CFAP61: variants seen among roughly 807,000 people sequenced by gnomAD.
CFAP61 encodes the protein cilia and flagella associated protein 61, also known as cilia- and flagella-associated protein 61.
In CFAP61, 107 loss-of-function variants were observed where a neutral mutation model predicts 135.6. The ratio of observed to expected loss-of-function variants is 0.79; its 90% confidence interval spans 0.67 to 0.93. The LOEUF (loss-of-function observed/expected upper bound fraction) is 0.93, where lower values mean the gene tolerates loss of function less well. Ranked by LOEUF, CFAP61 falls within the 40% of genes least tolerant of loss-of-function variation. The pLI is 0.00. For missense variants in CFAP61, 1,507 were observed against 1,556.2 expected, an observed-to-expected ratio of 0.97 and a Z score of 0.53; for synonymous variants, 575 against 578.5, an observed-to-expected ratio of 0.99 and a Z score of 0.09.
At position 20,106,000 on chromosome 20, in the gene CFAP61, C is replaced by CTATACATATATA. The variant is rs1277233037; in HGVS notation, c.859+7190_859+7191insCATATATATATA. ...CTTCGAAAGCTTTAGCTACTCTTGCCTATATATATATATATATATATATAT... is the reference window on the plus strand; with the variant it reads ...CTTCGAAAGCTTTAGCTACTCTTGCCTATACATATATATATATATATATATATATATATATAT... On this transcript the variant is annotated intron_variant, in intron 8 of 26. Transcript: ENST00000245957. Among the ~76,000 whole-genome samples the CTATACATATATA allele has an allele frequency of 8.1e-3, 826 of 102,398 alleles. 122 individuals carry two copies. The highest frequency in any genetic ancestry group is 0.059 in the East Asian group (105 of 1,766). The allele number at this position is 102,398 out of a possible 152,430, so 67.2% of individuals were successfully genotyped here. A position where few individuals can be genotyped will look rare whatever the true frequency, so the allele number is the denominator to read the frequency against.
At chr20:20,137,845 G>A (rs2051056651) in intron 8 of CFAP61, among the ~76,000 whole-genome samples, 1 of 152,150 alleles carries the variant, frequency 6.6e-6, no homozygotes, top group Non-Finnish European at 1.5e-5. Flanking sequence ...CACTACAGCT[G>A]AGAATGTGCC....
chr20:20,188,065 C>T lies in CFAP61; in HGVS notation c.1512+9C>T, dbSNP rs6112813. 4 of 1,614,018 alleles carry T rather than the reference C, an allele frequency of 2.5e-6. No homozygotes were observed. Among genetic ancestry groups the T allele is most frequent in the Non-Finnish European group, 2.5e-6 (3 of 1,179,944 alleles). ...AGGCTCGCAAAGACCCTGTAAGTAC[C>T]TGTTGTGACCAGACCTCAGGATATG... On this transcript the variant is annotated intron_variant, in intron 14 of 26. Coordinates refer to ENST00000245957, the MANE Select transcript of CFAP61 (RefSeq NM_015585.4).
intron 8 of CFAP61, among the ~76,000 whole-genome samples, chr20:20,121,604 C>T (rs570804120): frequency 6.6e-5 from 10 of 152,262 alleles, no homozygotes; most frequent in South Asian, 2.1e-4. Flanking sequence ...AAGTGATTCT[C>T]GTGCCTCGGC....
At chr20:20,321,273 C>G (rs1287007249) in intron 25 of CFAP61, among the ~76,000 whole-genome samples, 1 of 152,076 alleles carries the variant, frequency 6.6e-6, no homozygotes, top group African/African-American at 2.4e-5. Context: ...TGGTGATTCT[C>G]TTCAAAATAA....
At chr20:20,058,306 A>T (rs994891511) in intron 2 of CFAP61, among the ~76,000 whole-genome samples, 1 of 152,228 alleles carries the variant, frequency 6.6e-6, no homozygotes, top group Non-Finnish European at 1.5e-5. Context: ...AAAGATGTCC[A>T]TTGGATGGAA....
intron 21 of CFAP61, among the ~76,000 whole-genome samples, chr20:20,269,130 T>TAC (rs2053064700): frequency 4.8e-5 from 4 of 82,684 alleles, no homozygotes; most frequent in African/African-American, 1.7e-4. Context: ...TATATATATA[T>TAC]ATATATATAT....
rs544125010 is a variant in CFAP61, at chr20:20,241,999, A to C, written c.2061-4118A>C. On this transcript the variant is annotated intron_variant, in intron 18 of 26. Coordinates refer to ENST00000245957, the MANE Select transcript of CFAP61 (RefSeq NM_015585.4). ...ATAAGAATATTCATTCTTAAATGAC[A>C]CTCATCCTTAGAGACTTTAGAGCAA... 2.6e-5 allele frequency among the ~76,000 whole-genome samples: 4 copies of C among 152,298 alleles called. No homozygotes were observed. The East Asian group carries it at 7.7e-4, about 29-fold the overall frequency.
chr20:20,275,079 G>A (rs1005271992), intron 21 of CFAP61, among the ~76,000 whole-genome samples: 4 of 152,210 alleles, frequency 2.6e-5, no homozygotes, highest in African/African-American at 7.2e-5. Context: ...TGGATATGAT[G>A]TGGGCAGAGG....
In CFAP61 at chr20:20,318,782, G is replaced by T. The variant is rs550012903; in HGVS notation, c.3422+20396G>T. On this transcript the variant is annotated intron_variant, in intron 25 of 26. Coordinates refer to ENST00000245957, the MANE Select transcript of CFAP61 (RefSeq NM_015585.4). Reference sequence around the variant, plus strand: ...CATGTCCCAGCCCTGAGGCCAGGGGGCAAGGCTGCTTGGGGGTCAGGAGGG... The same window carrying T: ...CATGTCCCAGCCCTGAGGCCAGGGGTCAAGGCTGCTTGGGGGTCAGGAGGG... Among the ~76,000 whole-genome samples the T allele has an allele frequency of 2.0e-5, 3 of 152,320 alleles. No individual in the cohort carries two copies. In the East Asian group the frequency reaches 5.8e-4, roughly 29 times the overall value.
At chr20:20,266,280 A>C (rs2052736960) in intron 21 of CFAP61, among the ~76,000 whole-genome samples, 1 of 152,204 alleles carries the variant, frequency 6.6e-6, no homozygotes, top group South Asian at 2.1e-4. Context: ...ATCCCTTTTC[A>C]TACTGCAGAA....
At chr20:20,138,756 G>A (rs2051136593) in intron 8 of CFAP61, among the ~76,000 whole-genome samples, 1 of 152,134 alleles carries the variant, frequency 6.6e-6, no homozygotes, top group Non-Finnish European at 1.5e-5. Context: ...GAGGATGATT[G>A]GTGGAAGCTT....
intron 13 of CFAP61, among the ~76,000 whole-genome samples, chr20:20,172,921 A>G (rs1372010084): frequency 6.6e-6 from 1 of 152,192 alleles, no homozygotes; most frequent in Non-Finnish European, 1.5e-5. Flanking sequence ...TCTGCTGAAC[A>G]TCCTCTGTGC....
At chr20:20,251,174 TG>T (rs1205311298) in intron 19 of CFAP61, among the ~76,000 whole-genome samples, 3 of 152,240 alleles carry the variant, frequency 2.0e-5, no homozygotes, top group Middle Eastern at 3.2e-3. Context: ...CCCCTGGCTT[TG>T]GGAATCCTCA....
intron 2 of CFAP61, among the ~76,000 whole-genome samples, chr20:20,067,539 G>T (rs1253083303): frequency 6.6e-6 from 1 of 151,290 alleles, no homozygotes; most frequent in African/African-American, 2.4e-5. Flanking sequence ...CTACTCGGGA[G>T]GCTGAGGCAG....
chr20:20,156,435 T>A (rs953656528), intron 9 of CFAP61, among the ~76,000 whole-genome samples: 2 of 152,180 alleles, frequency 1.3e-5, no homozygotes, highest in African/African-American at 4.8e-5. Flanking sequence ...TCACACATAA[T>A]GGTGAAGGAC....
At chr20:20,165,928 C>T (rs906745626) in intron 11 of CFAP61, among the ~76,000 whole-genome samples, 1 of 152,154 alleles carries the variant, frequency 6.6e-6, no homozygotes, top group Non-Finnish European at 1.5e-5. Context: ...TTTATCTGTA[C>T]ATTTAAATAT....
At chr20:20,200,698 G>A in intron 17 of CFAP61, 1 of 985,022 alleles carries the variant, frequency 1.0e-6, no homozygotes, top group Non-Finnish European at 1.2e-6. Flanking sequence ...AAAAAGGAAA[G>A]TGTAAGTTTA....
chr20:20,251,500 A>T, intron 19 of CFAP61, 95 bp from the exon 20 acceptor site: 1 of 1,166,534 alleles, frequency 8.6e-7, no homozygotes. Flanking sequence ...GCACGGACTC[A>T]GCCCACTAGG....
chr20:20,075,739 A>G, intron 6 of CFAP61, 124 bp downstream of exon 6: 1 of 954,322 alleles, frequency 1.0e-6, no homozygotes, highest in Non-Finnish European at 1.6e-6. Context: ...AATACTCATA[A>G]GCATTACTTC....
Sources: allele counts gnomAD v4.1 joint callset (sites outside exome capture counted in the v4.1 genomes callset), GRCh38; gene constraint gnomAD v4.1.1; transcripts MANE v1.5; gene names NCBI Gene and HGNC (gene_info 2026-07-23, HGNC 2026-07-21).